OSBP2: variants seen among roughly 807,000 people sequenced by gnomAD.
The protein encoded by OSBP2 is oxysterol-binding protein 2.
In OSBP2, 66 loss-of-function variants were observed where a neutral mutation model predicts 96.0. The ratio of observed to expected loss-of-function variants is 0.69; its 90% CI spans 0.56 to 0.84. OSBP2 has a LOEUF of 0.84. OSBP2 is among the 40% of genes least tolerant of loss of function. The pLI is 0.00. For synonymous variants in OSBP2, 525 were observed against 520.9 expected, an observed-to-expected ratio of 1.01 and a Z score of -0.11; for missense variants, 1,038 against 1,222.7, an observed-to-expected ratio of 0.85 and a Z score of 2.25.
chr22:30,728,856 A>G (rs1196383721), intron 1 of OSBP2, among the ~76,000 whole-genome samples: 1 of 152,198 alleles, frequency 6.6e-6, no homozygotes, highest in Non-Finnish European at 1.5e-5. Flanking sequence ...CCCCATTTGG[A>G]TGAACCACAA....
Position 30,870,339 on chromosome 22 carries a change from A to G in OSBP2, c.854-90A>G. On this transcript the variant is annotated intron_variant, in intron 2 of 13. Transcript: ENST00000332585. The surrounding 1 kb of genome is among the most constrained non-coding windows in gnomAD (Gnocchi z 4.1). Reference sequence around the variant, plus strand: ...GGACTGATGTTTTTTGAATGGCGCTATCCACCCTGCCCTGCTCGGCCTGGC... The same window carrying G: ...GGACTGATGTTTTTTGAATGGCGCTGTCCACCCTGCCCTGCTCGGCCTGGC... 7.4e-7 allele frequency: 1 copy of G among 1,355,636 alleles called. No homozygotes were observed. Among genetic ancestry groups the G allele is most frequent in the Non-Finnish European group, 1.0e-6 (1 of 974,894 alleles). 84.0% of individuals were successfully genotyped at this position (1,355,636 alleles called of 1,614,324 possible). A position where few individuals can be genotyped will look rare whatever the true frequency, so the allele number is the denominator to read the frequency against.
intron 3 of OSBP2, among the ~76,000 whole-genome samples, chr22:30,873,828 G>A (rs985801377): frequency 6.6e-6 from 1 of 152,216 alleles, no homozygotes; most frequent in Non-Finnish European, 1.5e-5. Flanking sequence ...CATGGAGGGT[G>A]TCCTTCACAG....
At chr22:30,817,035 C>T (rs1379101262) in intron 2 of OSBP2, among the ~76,000 whole-genome samples, 1 of 152,102 alleles carries the variant, frequency 6.6e-6, no homozygotes, top group Admixed American at 6.6e-5. Context: ...GTACCCAGCC[C>T]CCATTTCAAT....
intron 2 of OSBP2, chr22:30,764,460 C>T (rs186638294): frequency 2.1e-6 from 2 of 931,846 alleles, no homozygotes; most frequent in Admixed American, 6.2e-5. Flanking sequence ...AATAAATTCC[C>T]AGGGAGTGTG....
chr22:30,838,075 T>G lies in OSBP2; in HGVS notation c.854-32354T>G, dbSNP rs1445172281. On this transcript the variant is annotated intron_variant, in intron 2 of 13. Transcript: ENST00000332585. ...TTAGAGAGGAAGAAACTAGACACAG[T>G]GAGATTAAGTCATTTGGTAAAGATA... is the stretch of plus-strand genomic sequence containing the variant. Among the ~76,000 whole-genome samples, 7 of 152,246 alleles carry G rather than the reference T, an allele frequency of 4.6e-5. No homozygotes were observed. The South Asian group carries it at 1.5e-3, about 32-fold the overall frequency.
At chr22:30,848,576 CCT>C (rs1395080169) in intron 2 of OSBP2, among the ~76,000 whole-genome samples, 3 of 152,148 alleles carry the variant, frequency 2.0e-5, no homozygotes, top group African/African-American at 7.2e-5. Flanking sequence ...TTTTCTCATA[CCT>C]CTTTGCAGTC....
At chr22:30,863,665 T>C (rs2147093377) in intron 2 of OSBP2, among the ~76,000 whole-genome samples, 1 of 152,266 alleles carries the variant, frequency 6.6e-6, no homozygotes, top group East Asian at 1.9e-4. Flanking sequence ...TTCCCAGTCC[T>C]GCATACTTGA....
In OSBP2 at chr22:30,905,505, AAAG is replaced by A. The variant is rs570289551; in HGVS notation, c.2376-323_2376-321del. Among the ~76,000 whole-genome samples, 39 of 152,248 alleles carry A rather than the reference AAAG, an allele frequency of 2.6e-4. No individual in the cohort carries two copies. In the East Asian group the frequency reaches 4.1e-3, roughly 16 times the overall value. On this transcript the variant is annotated intron_variant, in intron 12 of 13. Transcript: ENST00000332585. ...GCAACAAGAGTGAAACTGTCTCAAA[AAAG>A]AAGAAGAAAAAAAAACATAATAGAA...
intron 2 of OSBP2, among the ~76,000 whole-genome samples, chr22:30,750,561 A>T (rs77547109): frequency 4.5e-4 from 68 of 152,322 alleles, no homozygotes; most frequent in Admixed American, 5.2e-4. Context: ...GGAATAGGAC[A>T]TGCCTTGTAA....
intron 2 of OSBP2, among the ~76,000 whole-genome samples, chr22:30,741,967 A>G (rs549288061): frequency 3.3e-5 from 5 of 151,856 alleles, no homozygotes; most frequent in Non-Finnish European, 7.4e-5. Context: ...TTATAGGCGC[A>G]CACCACCATG....
At chr22:30,694,369 G>T, upstream of OSBP2, 2 of 1,523,040 alleles carry the variant, frequency 1.3e-6, no homozygotes, top group African/African-American at 2.8e-5. Context: ...GGGGGGCGGG[G>T]CGTCGTCTTT....
intron 2 of OSBP2, among the ~76,000 whole-genome samples, chr22:30,746,348 C>T (rs961020006): frequency 6.6e-6 from 1 of 151,968 alleles, no homozygotes; most frequent in African/African-American, 2.4e-5. Flanking sequence ...TGCTTGACCC[C>T]CAGAGGTTGA....
chr22:30,835,415 AC>A (rs2147015646), intron 2 of OSBP2, among the ~76,000 whole-genome samples: 2 of 152,168 alleles, frequency 1.3e-5, no homozygotes, highest in Admixed American at 1.3e-4. Flanking sequence ...TTATCTTAGC[AC>A]CCTTGTTGAA....
intron 2 of OSBP2, among the ~76,000 whole-genome samples, chr22:30,827,094 G>A (rs1231841508): frequency 6.6e-6 from 1 of 152,190 alleles, no homozygotes; most frequent in Admixed American, 6.5e-5. Flanking sequence ...GTAAGTGGCA[G>A]GTGAGGATGG....
At chr22:30,857,728 G>A (rs1314347547) in intron 2 of OSBP2, among the ~76,000 whole-genome samples, 1 of 152,228 alleles carries the variant, frequency 6.6e-6, no homozygotes, top group East Asian at 1.9e-4. Flanking sequence ...TGTGCATGGG[G>A]TGGGAGATAA....
At chr22:30,699,312 C>G (rs2089118747) in intron 1 of OSBP2, among the ~76,000 whole-genome samples, 2 of 152,114 alleles carry the variant, frequency 1.3e-5, no homozygotes, top group African/African-American at 4.8e-5. Flanking sequence ...TTTTACAAGA[C>G]TTATTTTGAC....
intron 12 of OSBP2, among the ~76,000 whole-genome samples, chr22:30,894,660 T>C (rs1172684106): frequency 6.6e-6 from 1 of 152,272 alleles, no homozygotes; most frequent in Admixed American, 6.5e-5. Flanking sequence ...AAAGAGGGAC[T>C]GTACCTGAAG....
chr22:30,748,022 A>C (rs1012586196), intron 2 of OSBP2, among the ~76,000 whole-genome samples: 3 of 150,356 alleles, frequency 2.0e-5, no homozygotes, highest in Non-Finnish European at 4.4e-5. Context: ...GACTACAGGC[A>C]CCCACCACCA....
At chr22:30,787,083 C>T (rs1602262907) in intron 2 of OSBP2, among the ~76,000 whole-genome samples, 1 of 152,098 alleles carries the variant, frequency 6.6e-6, no homozygotes, top group Admixed American at 6.6e-5. Flanking sequence ...CAGGCGTGAG[C>T]GACTGTGCCC....
Sources: gnomAD v4.1 joint callset for allele counts (sites outside exome capture counted in the v4.1 genomes callset) on GRCh38, gnomAD v4.1.1 for gene constraint, Gnocchi (gnomAD v3.1) non-coding constraint, MANE v1.5 for transcripts, NCBI Gene and HGNC (gene_info 2026-07-23, HGNC 2026-07-21) for gene names.